The following PTPRD variants were observed in gnomAD, a reference collection of about 807,000 sequenced individuals.
PTPRD encodes the protein receptor-type tyrosine-protein phosphatase delta.
A neutral mutation model predicts 214.5 loss-of-function variants in PTPRD; 34 were observed. The ratio of observed to expected loss-of-function variants is 0.16; its 90% CI spans 0.12 to 0.21. The LOEUF is 0.21. Ranked by LOEUF, PTPRD falls within the 10% of genes least tolerant of loss-of-function variation. PTPRD has a pLI of 1.00. For synonymous variants in PTPRD, 1,128 were observed against 845.7 expected, an observed-to-expected ratio of 1.33 and a Z score of -5.79; for missense variants, 2,545 against 2,398.7, an observed-to-expected ratio of 1.06 and a Z score of -1.27.
intron 11 of PTPRD, among the ~76,000 whole-genome samples, chr9:8,961,139 A>C (rs982892731): frequency 6.6e-6 from 1 of 152,100 alleles, no homozygotes; most frequent in African/African-American, 2.4e-5. Context: ...GGAACACCTA[A>C]GTTGCCTAGG....
intron 35 of PTPRD, among the ~76,000 whole-genome samples, chr9:8,408,536 G>C (rs2093239956): frequency 6.6e-6 from 1 of 152,088 alleles, no homozygotes; most frequent in Non-Finnish European, 1.5e-5. Context: ...AAGCAAGCTA[G>C]ATTTATTTAA....
At chr9:9,059,019 G>C (rs2099702272) in intron 10 of PTPRD, among the ~76,000 whole-genome samples, 2 of 152,108 alleles carry the variant, frequency 1.3e-5, no homozygotes, top group African/African-American at 2.4e-5. Flanking sequence ...CAGTAGAACA[G>C]GGTAGGTCTT....
chr9:9,292,595 A>G (rs1951546318), intron 9 of PTPRD, among the ~76,000 whole-genome samples: 1 of 151,410 alleles, frequency 6.6e-6, no homozygotes. Context: ...TTAATGAACC[A>G]ATATTGATAA....
chr9:8,718,780 G>A (rs993396802), intron 12 of PTPRD, among the ~76,000 whole-genome samples: 16 of 152,088 alleles, frequency 1.1e-4, no homozygotes, highest in East Asian at 1.9e-4. Flanking sequence ...ATTTTCCCAC[G>A]TGAGCCAGGG....
chr9:8,641,289 A>G (rs1313484270), intron 12 of PTPRD, among the ~76,000 whole-genome samples: 1 of 148,278 alleles, frequency 6.7e-6, no homozygotes, highest in Non-Finnish European at 1.5e-5. Flanking sequence ...TACAACCATC[A>G]GTATTATAGT....
At chr9:10,446,417 C>CTTTTTTTTTTTTT (rs34478548) in intron 2 of PTPRD, among the ~76,000 whole-genome samples, 7 of 92,964 alleles carry the variant, frequency 7.5e-5, no homozygotes, top group African/African-American at 1.2e-4. Flanking sequence ...CTATTTTTTT[C>CTTTTTTTTTTTTT]TTTTTTTTTT....
At chr9:9,896,097 C>A (rs2074897514) in intron 5 of PTPRD, among the ~76,000 whole-genome samples, 1 of 151,932 alleles carries the variant, frequency 6.6e-6, no homozygotes, top group Admixed American at 6.6e-5. Context: ...CTTTTATTTT[C>A]TCTTTGGGAG....
intron 3 of PTPRD, among the ~76,000 whole-genome samples, chr9:10,240,853 A>G (rs977337872): frequency 6.6e-6 from 1 of 151,904 alleles, no homozygotes; most frequent in Admixed American, 6.6e-5. Context: ...ATTAGAATCC[A>G]TCAAAATTAA....
At chr9:9,336,966 T>C (rs1270777751) in intron 9 of PTPRD, among the ~76,000 whole-genome samples, 1 of 152,196 alleles carries the variant, frequency 6.6e-6, no homozygotes, top group African/African-American at 2.4e-5. Context: ...TATCTTTATA[T>C]AAACTAATAG....
chr9:8,603,444 T>C (rs868822129), intron 14 of PTPRD, among the ~76,000 whole-genome samples: 2 of 152,206 alleles, frequency 1.3e-5, no homozygotes, highest in African/African-American at 2.4e-5. Flanking sequence ...TTCAAAAGTA[T>C]TTACTTTGTA....
chr9:9,903,533 CACTT>C (rs1208795928), intron 5 of PTPRD, among the ~76,000 whole-genome samples: 7 of 152,118 alleles, frequency 4.6e-5, no homozygotes, highest in Non-Finnish European at 7.4e-5. Flanking sequence ...AGTTCTGTAT[CACTT>C]ACTTTACATT....
intron 5 of PTPRD, among the ~76,000 whole-genome samples, chr9:9,846,258 T>C (rs756464097): frequency 1.3e-5 from 2 of 152,230 alleles, no homozygotes; most frequent in East Asian, 3.9e-4. Context: ...GCAAGGGATA[T>C]TTCACAAACT....
intron 12 of PTPRD, among the ~76,000 whole-genome samples, chr9:8,685,576 TC>T (rs2097663608): frequency 6.6e-6 from 1 of 152,176 alleles, no homozygotes. Context: ...TTATATAATG[TC>T]CATCAACTGG....
chr9:9,035,143 T>C (rs767735990), intron 10 of PTPRD, among the ~76,000 whole-genome samples: 1 of 152,116 alleles, frequency 6.6e-6, no homozygotes, highest in Admixed American at 6.6e-5. Context: ...GCACATGGTG[T>C]GTGGTCCTCT....
intron 36 of PTPRD, among the ~76,000 whole-genome samples, chr9:8,394,574 G>A (rs993018031): frequency 1.3e-5 from 2 of 152,130 alleles, no homozygotes; most frequent in Non-Finnish European, 2.9e-5. Flanking sequence ...GCCCAGAACT[G>A]TAATTGTTTA....
intron 9 of PTPRD, among the ~76,000 whole-genome samples, chr9:9,265,766 AT>A: frequency 6.6e-6 from 1 of 151,402 alleles, no homozygotes; most frequent in Non-Finnish European, 1.5e-5. Context: ...AAATTATCTA[AT>A]CAAAAGGAAA....
chr9:8,836,723 A>C (rs2097432672), intron 11 of PTPRD, among the ~76,000 whole-genome samples: 1 of 148,788 alleles, frequency 6.7e-6, no homozygotes, highest in African/African-American at 2.5e-5. Flanking sequence ...CAGCCTCCTG[A>C]GTAGCTGGGA....
chr9:9,728,424 G>C (rs1208733274), intron 7 of PTPRD, among the ~76,000 whole-genome samples: 1 of 152,144 alleles, frequency 6.6e-6, no homozygotes, highest in Non-Finnish European at 1.5e-5. Context: ...TCCTATGTGT[G>C]AAGAAAAGAA....
At chr9:9,551,947 GA>G (rs144899453) in intron 8 of PTPRD, among the ~76,000 whole-genome samples, 26 of 147,438 alleles carry the variant, frequency 1.8e-4, no homozygotes, top group East Asian at 3.9e-4. Context: ...ATAGAAGTGA[GA>G]AAAAAAAAAT....
Sources: gnomAD v4.1 joint callset for allele counts (sites outside exome capture counted in the v4.1 genomes callset) on GRCh38, gnomAD v4.1.1 for gene constraint, MANE v1.5 for transcripts, NCBI Gene and HGNC (gene_info 2026-07-23, HGNC 2026-07-21) for gene names.